Variants in WNK1 observed in about 807,000 individuals in gnomAD.
WNK1 encodes the protein WNK lysine deficient protein kinase 1, also known as serine/threonine-protein kinase WNK1.
A neutral mutation model predicts 222.8 loss-of-function variants in WNK1; 38 were observed. That is an observed-to-expected ratio of 0.17 (90% CI 0.13 to 0.22). WNK1 has a LOEUF of 0.22. WNK1 is among the 10% of genes least tolerant of loss of function. WNK1 has a pLI of 1.00. For missense variants in WNK1, 2,348 were observed against 2,918.4 expected (o/e 0.80, Z 4.50); for synonymous variants, 1,090 against 1,092.9 (o/e 1.00, Z 0.05).
At chr12:796,824 C>T (rs1945352043) in intron 1 of WNK1, among the ~76,000 whole-genome samples, 1 of 152,162 alleles carries the variant, frequency 6.6e-6, no homozygotes, top group Admixed American at 6.5e-5. Context: ...CAAAAATGAT[C>T]TTCCTAAGTC....
At chr12:788,294 T>C (rs999634488) in intron 1 of WNK1, among the ~76,000 whole-genome samples, 1 of 152,208 alleles carries the variant, frequency 6.6e-6, no homozygotes, top group Non-Finnish European at 1.5e-5. Flanking sequence ...TCACAATAGA[T>C]TGTCCTTCAT....
intron 1 of WNK1, among the ~76,000 whole-genome samples, chr12:793,779 A>AGT (rs1228152620): frequency 2.0e-5 from 3 of 152,202 alleles, no homozygotes; most frequent in African/African-American, 7.2e-5. Context: ...TTATTGAGAT[A>AGT]ATTCACATAC....
intron 4 of WNK1, among the ~76,000 whole-genome samples, chr12:848,777 G>A (rs913625862): frequency 3.3e-5 from 5 of 152,074 alleles, no homozygotes. Flanking sequence ...GTTTAGATAT[G>A]TAAACTGTTA....
At chr12:761,491 C>T (rs1941012076) in intron 1 of WNK1, among the ~76,000 whole-genome samples, 1 of 147,848 alleles carries the variant, frequency 6.8e-6, no homozygotes, top group Non-Finnish European at 1.5e-5. Flanking sequence ...CACAGTCATT[C>T]CTGCAGATAC....
chr12:843,456 C>T (rs1949781459), intron 4 of WNK1, among the ~76,000 whole-genome samples: 1 of 152,098 alleles, frequency 6.6e-6, no homozygotes, highest in South Asian at 2.1e-4. Flanking sequence ...TTTTCCAAAA[C>T]AAAATTTAAA....
chr12:754,360 G>A (rs747526323), intron 1 of WNK1, 36 bp downstream of exon 1: 1 of 1,612,888 alleles, frequency 6.2e-7, no homozygotes, highest in Non-Finnish European at 8.5e-7. Flanking sequence ...CGGTCCTTTG[G>A]ATCCCAAATT....
chr12:773,076 T>C (rs1942723293), intron 1 of WNK1, among the ~76,000 whole-genome samples: 1 of 152,082 alleles, frequency 6.6e-6, no homozygotes, highest in Admixed American at 6.5e-5. Flanking sequence ...CTGACCAACA[T>C]GGAGAAACCC....
At chr12:881,534 C>T in intron 12 of WNK1, 158 bp from the exon 13 acceptor site, 1 of 693,366 alleles carries the variant, frequency 1.4e-6, no homozygotes, top group South Asian at 1.6e-5. Flanking sequence ...AATTTTAAGA[C>T]CATTATCTCT....
At chr12:799,778 G>A (rs1480566026) in intron 1 of WNK1, among the ~76,000 whole-genome samples, 1 of 152,008 alleles carries the variant, frequency 6.6e-6, no homozygotes. Flanking sequence ...TCTGCCTCCC[G>A]GGTTCAAATG....
rs780407738 is a variant in WNK1, at chr12:884,215, A to G, written c.3816A>G (p.Lys1272=). 1.2e-6 allele frequency: 2 copies of G among 1,614,178 alleles called. No homozygotes were observed. Among genetic ancestry groups the G allele is most frequent in the Admixed American group, 3.3e-5 (2 of 60,028 alleles). The change falls in exon 18 of 28, where the codon AAA becomes AAG. Residue 1272 remains lysine, a synonymous_variant. Transcript: ENST00000315939. This position sits in a 1 kb window ranked among gnomAD's most constrained non-coding sequence, Gnocchi z 5.6. ...PVPESRLRES[K]VFPSEITDTV... ...CAGAAAGCCGATTACGAGAATCAAA[A>G]GTTTTCCCCAGTGAAATAACAGATA...
chr12:811,583 A>G (rs1231001754), intron 1 of WNK1, among the ~76,000 whole-genome samples: 2 of 152,128 alleles, frequency 1.3e-5, no homozygotes, highest in South Asian at 2.1e-4. Flanking sequence ...TATTTTTAAA[A>G]CCCCAGGTGT....
intron 4 of WNK1, among the ~76,000 whole-genome samples, chr12:831,829 C>T (rs1948817636): frequency 6.6e-6 from 1 of 151,700 alleles, no homozygotes; most frequent in Non-Finnish European, 1.5e-5. Flanking sequence ...ATAAAGGGGT[C>T]CTGAGACAAA....
At chr12:786,905 T>C (rs1944364702) in intron 1 of WNK1, among the ~76,000 whole-genome samples, 1 of 152,188 alleles carries the variant, frequency 6.6e-6, no homozygotes, top group Non-Finnish European at 1.5e-5. Context: ...ATAATTGGTA[T>C]GTTTGGAGTT....
chr12:793,327 A>G (rs1945017288), intron 1 of WNK1, among the ~76,000 whole-genome samples: 1 of 152,230 alleles, frequency 6.6e-6, no homozygotes, highest in African/African-American at 2.4e-5. Flanking sequence ...AAGTTGGGTG[A>G]CTAGAAAAGC....
At chr12:803,532 C>T (rs987839875) in intron 1 of WNK1, among the ~76,000 whole-genome samples, 1 of 152,108 alleles carries the variant, frequency 6.6e-6, no homozygotes, top group Non-Finnish European at 1.5e-5. Context: ...CCTGTAATCC[C>T]AGCACTTTGG....
chr12:767,234 GTTTTTTTTTTTTTTTTTTTT>G (rs71051382), intron 1 of WNK1, among the ~76,000 whole-genome samples: 10 of 70,890 alleles, frequency 1.4e-4, no homozygotes, highest in South Asian at 5.9e-4. Context: ...GGGTTGATAG[GTTTTTTTTTTTTTTTTTTTT>G]TTTTTTTTTT....
chr12:911,251 TTACA>T lies in WNK1; in HGVS notation c.*2461_*2464del. On this transcript the variant is annotated 3_prime_UTR_variant, in exon 28 of 28. Coordinates refer to ENST00000315939, the MANE Select transcript of WNK1 (RefSeq NM_018979.4). ...ACTTTCTGAATTATAAATGTTTTCCTTACATTATTTAACAATGTACACTGTTAAA... is the reference window on the plus strand; with the variant it reads ...ACTTTCTGAATTATAAATGTTTTCCTTTATTTAACAATGTACACTGTTAAA... The T allele has an allele frequency of 2.5e-6, 1 of 398,598 alleles. No homozygotes were observed. The highest frequency in any genetic ancestry group is 4.4e-6 in the Non-Finnish European group (1 of 226,048). 24.7% of individuals were successfully genotyped at this position (398,598 alleles called of 1,614,324 possible).
intron 2 of WNK1, among the ~76,000 whole-genome samples, chr12:818,654 A>G (rs1947583798): frequency 1.3e-5 from 2 of 152,216 alleles, no homozygotes. Context: ...AGCTCCTGAC[A>G]ACTACCAACT....
chr12:760,936 G>A lies in WNK1; in HGVS notation c.759+6612G>A, dbSNP rs372933642. 5.8e-4 allele frequency among the ~76,000 whole-genome samples: 77 copies of A among 132,202 alleles called. 3 individuals carry two copies. The East Asian group carries it at 0.011, about 19-fold the overall frequency. 86.7% of individuals were successfully genotyped at this position (132,202 alleles called of 152,430 possible). A position where few individuals can be genotyped will look rare whatever the true frequency, so the allele number is the denominator to read the frequency against. On this transcript the variant is annotated intron_variant, in intron 1 of 27. Coordinates refer to ENST00000315939, the MANE Select transcript of WNK1 (RefSeq NM_018979.4). ...TTACAGGCACCCACAACCACACCCGGCTAATTTTTTTTTTTTTTTTGTATT... is the reference window on the plus strand; with the variant it reads ...TTACAGGCACCCACAACCACACCCGACTAATTTTTTTTTTTTTTTTGTATT...
Sources: allele counts gnomAD v4.1 joint callset (sites outside exome capture counted in the v4.1 genomes callset), GRCh38; gene constraint gnomAD v4.1.1; non-coding constraint Gnocchi (gnomAD v3.1); transcripts MANE v1.5; gene names NCBI Gene and HGNC (gene_info 2026-07-23, HGNC 2026-07-21).